Variants in PADI6 observed in about 807,000 individuals in gnomAD.
PADI6 encodes the protein inactive protein-arginine deiminase type-6.
PADI6 carries 66 observed loss-of-function variants against 78.2 expected under a neutral mutation model. The ratio of observed to expected loss-of-function variants is 0.84; its 90% CI spans 0.69 to 1.04. The LOEUF is 1.04. Among genes scored for constraint, PADI6 ranks in the 50% least tolerant of loss-of-function variants. The pLI is 0.00. For missense variants in PADI6, 854 were observed against 866.1 expected (o/e 0.99, Z 0.18); for synonymous variants, 397 against 346.9 (o/e 1.14, Z -1.60).
chr1:17,392,601 A>G (rs189257416), intron 9 of PADI6, among the ~76,000 whole-genome samples: 1 of 152,326 alleles, frequency 6.6e-6, no homozygotes, highest in Admixed American at 6.5e-5. Flanking sequence ...TCGGTTCTAG[A>G]GCTCTGTCCT....
intron 2 of PADI6, among the ~76,000 whole-genome samples, chr1:17,374,253 G>C (rs1049049333): frequency 6.6e-6 from 1 of 152,052 alleles, no homozygotes; most frequent in African/African-American, 2.4e-5. Context: ...CTGCAGAGGG[G>C]TAGGTACACA....
At position 17,373,239 on chromosome 1, in the gene PADI6, C is replaced by G. The variant is rs1400841574; in HGVS notation, c.294+6C>G. 2 of 1,613,096 alleles carry G rather than the reference C, an allele frequency of 1.2e-6. No homozygotes were observed. The highest frequency in any genetic ancestry group is 1.7e-5 in the Admixed American group (1 of 60,000). ...CTTCCGTGGATGCGGATAAGGTAAG[C>G]CTCAGGGGAAGAGGTGAGGGGCATC... On this transcript the variant is annotated splice_donor_region_variant and intron_variant, in intron 2 of 15. Transcript: ENST00000619609.
chr1:17,394,910 C>A, intron 11 of PADI6, 41 bp from the exon 12 acceptor site: 1 of 1,536,124 alleles, frequency 6.5e-7, no homozygotes. Context: ...CAGCCCTGGG[C>A]CACACTGGCT....
chr1:17,376,759 A>G (rs2075022196), intron 3 of PADI6, among the ~76,000 whole-genome samples: 1 of 152,084 alleles, frequency 6.6e-6, no homozygotes, highest in African/African-American at 2.4e-5. Context: ...TGTGTCCTCA[A>G]TTTCTCTAGA....
intron 6 of PADI6, among the ~76,000 whole-genome samples, chr1:17,386,396 CCT>C (rs1168784255): frequency 1.3e-5 from 2 of 152,214 alleles, no homozygotes; most frequent in Non-Finnish European, 2.9e-5. Flanking sequence ...AGACTGTGAC[CCT>C]CTCGCCCTCA....
In PADI6 at chr1:17,401,562, T is replaced by C; in HGVS notation, c.*124T>C. On this transcript the variant is annotated 3_prime_UTR_variant, in exon 16 of 16. Coordinates refer to ENST00000619609, the MANE Select transcript of PADI6 (RefSeq NM_207421.4). ...CCAGGCAACAGAACCCTTTCTTCCCTGTCTGCCCCGACCGACCCTCGGACC... is the reference window on the plus strand; with the variant it reads ...CCAGGCAACAGAACCCTTTCTTCCCCGTCTGCCCCGACCGACCCTCGGACC... 2 of 920,710 alleles carry C rather than the reference T, an allele frequency of 2.2e-6. No homozygotes were observed. Among genetic ancestry groups the C allele is most frequent in the East Asian group, 2.6e-5 (1 of 37,802 alleles). 57.0% of individuals were successfully genotyped at this position (920,710 alleles called of 1,614,324 possible).
chr1:17,395,770 C>A, intron 13 of PADI6, 107 bp downstream of exon 13: 1 of 1,397,936 alleles, frequency 7.2e-7, no homozygotes, highest in Non-Finnish European at 9.5e-7. Context: ...GCCAGGGAAG[C>A]ACAGAAGCTG....
rs569465768 is a variant in PADI6, at chr1:17,376,098, C to T, written c.367+599C>T. ...CAAGTGATTCTCCTACCTCAGCCTCCAGATTAGCTGGGACTATAGGTGTGT... is the reference window on the plus strand; with the variant it reads ...CAAGTGATTCTCCTACCTCAGCCTCTAGATTAGCTGGGACTATAGGTGTGT... On this transcript the variant is annotated intron_variant, in intron 3 of 15. Coordinates refer to ENST00000619609, the MANE Select transcript of PADI6 (RefSeq NM_207421.4). Among the ~76,000 whole-genome samples the T allele has an allele frequency of 2.6e-5, 4 of 152,182 alleles. No homozygotes were observed. In the South Asian group the frequency reaches 8.3e-4, roughly 32 times the overall value.
intron 6 of PADI6, among the ~76,000 whole-genome samples, chr1:17,385,508 G>A (rs558939837): frequency 3.3e-5 from 5 of 152,266 alleles, no homozygotes; most frequent in Admixed American, 6.5e-5. Flanking sequence ...ATAGGTGAGC[G>A]AAACAGATCG....
intron 10 of PADI6, 61 bp downstream of exon 10, chr1:17,394,143 T>C (rs977643624): frequency 6.3e-7 from 1 of 1,574,972 alleles, no homozygotes; most frequent in Non-Finnish European, 8.7e-7. Context: ...GGGGCCTGCC[T>C]AGAAATAATG....
intron 9 of PADI6, among the ~76,000 whole-genome samples, chr1:17,392,511 A>G (rs1437656076): frequency 6.6e-6 from 1 of 152,160 alleles, no homozygotes; most frequent in Admixed American, 6.5e-5. Context: ...ACCTTTGGCT[A>G]AGGCTGTGAG....
rs759253601 is a variant in PADI6, at chr1:17,388,576, G to GT, written c.858+17_858+18insT. The GT allele has an allele frequency of 4.5e-5, 71 of 1,591,022 alleles. No individual in the cohort carries two copies. Among genetic ancestry groups the GT allele is most frequent in the Non-Finnish European group, 5.9e-5 (69 of 1,161,856 alleles). On this transcript the variant is annotated intron_variant, in intron 7 of 15. Coordinates refer to ENST00000619609, the MANE Select transcript of PADI6 (RefSeq NM_207421.4). ...CAAGACCCGGTATGTCCCCATAATA[G>GT]ATGGGTCCTCAGACTAGGATGCTCC...
rs753183881 is a variant in PADI6, at chr1:17,382,095, G to A, written c.679+3G>A. On this transcript the variant is annotated splice_donor_region_variant and intron_variant, in intron 6 of 15. Transcript: ENST00000619609. The stretch of plus-strand genomic sequence containing the variant: ...GGCGAGAGTCTACTGGCCCCAAAGT[G>A]AGTGTTCTTGTGCCAGCTCCAGCTT... 1.9e-6 allele frequency: 3 copies of A among 1,613,384 alleles called. No homozygotes were observed. In the South Asian group the frequency reaches 3.3e-5, roughly 18 times the overall value.
At chr1:17,375,541 G>A (rs370187173) in intron 3 of PADI6, 42 bp downstream of exon 3, 66 of 1,525,282 alleles carry the variant, frequency 4.3e-5, no homozygotes, top group East Asian at 2.1e-4. Context: ...CCAACTCACC[G>A]CTGGGGTTGG....
At chr1:17,401,114 C>T (rs1040772817) in intron 15 of PADI6, 91 bp from the exon 16 acceptor site, 12 of 1,223,808 alleles carry the variant, frequency 9.8e-6, no homozygotes, top group Middle Eastern at 2.2e-4. Context: ...CTGCCTGCTA[C>T]GCCTGGTCTG....
chr1:17,373,312 A>G (rs1361218043), intron 2 of PADI6, 79 bp downstream of exon 2: 2 of 1,515,900 alleles, frequency 1.3e-6, no homozygotes, highest in African/African-American at 2.7e-5. Context: ...TCCTGGCTGC[A>G]GACGTGACTC....
Position 17,392,010 on chromosome 1 carries a change from C to T in PADI6, c.963-104C>T, listed in dbSNP as rs2075189761. 3 of 965,008 alleles carry T rather than the reference C, an allele frequency of 3.1e-6. No homozygotes were observed. The Admixed American group carries it at 6.5e-5, about 21-fold the overall frequency. The allele number at this position is 965,008 out of a possible 1,614,324, so 59.8% of individuals were successfully genotyped here. On this transcript the variant is annotated intron_variant, in intron 8 of 15. Transcript: ENST00000619609. ...GACCTCACGGGCAGGGATGTAACCT[C>T]TCCTGGTGAGAAGGATGTGTTCTTC... is the stretch of plus-strand genomic sequence containing the variant.
In PADI6 at chr1:17,394,011, A is replaced by C; in HGVS notation, c.1111A>C (p.Lys371Gln). The C allele has an allele frequency of 6.2e-7, 1 of 1,613,912 alleles. No homozygotes were observed. The highest frequency in any genetic ancestry group is 1.1e-5 in the South Asian group (1 of 91,058). The part of the protein sequence containing the change: ...MAFCYTQAPH[K>Q]TTSLILDTPQ... ...CTTCTGCTACACCCAGGCTCCCCAC[A>C]AGACAACGTCCTTGATCCTCGACAC... Residue 371 changes from lysine to glutamine, a missense_variant, in exon 10 of 16, where the codon AAG (lysine) becomes CAG (glutamine). Lys to Gln is a moderately conservative substitution (Grantham distance 53). Transcript: ENST00000619609.
rs1217323973 is a variant in PADI6 at position 17,373,060 on chromosome 1, GC to G, written c.127del (p.Gln43ArgfsTer15). 2.5e-6 allele frequency: 4 copies of G among 1,613,184 alleles called. No individual in the cohort carries two copies. Among genetic ancestry groups the G allele is most frequent in the East Asian group, 2.2e-5 (1 of 44,864 alleles). On this transcript the variant is annotated frameshift_variant, in exon 2 of 16. Coordinates refer to ENST00000619609, the MANE Select transcript of PADI6 (RefSeq NM_207421.4). LOFTEE classifies it high-confidence loss of function. The part of the protein sequence containing the change: ...TEICLDLSGC[A>X]PQKCQCFTIH... ...GTCTCTTACCGGGCAAACCAGGTGT[GC>G]CCCCCAGAAGTGCCAGTGCTTCACC...
Sources: gnomAD v4.1 joint callset for allele counts (sites outside exome capture counted in the v4.1 genomes callset) on GRCh38, gnomAD v4.1.1 for gene constraint, MANE v1.5 for transcripts, NCBI Gene and HGNC (gene_info 2026-07-23, HGNC 2026-07-21) for gene names.